The following NOTCH2 variants were observed in gnomAD, a reference collection of about 807,000 sequenced individuals.
NOTCH2 encodes neurogenic locus notch homolog protein 2.
Under a neutral mutation model 235.8 loss-of-function variants are expected in NOTCH2, and 29 were observed. The ratio of observed to expected loss-of-function variants is 0.12; its 90% CI spans 0.09 to 0.17. The LOEUF (loss-of-function observed/expected upper bound fraction) is 0.17, where lower values mean the gene tolerates loss of function less well. Among genes scored for constraint, NOTCH2 ranks in the 10% least tolerant of loss-of-function variants. NOTCH2 has a pLI of 1.00. For synonymous variants in NOTCH2, 1,086 were observed against 1,141.5 expected, an observed-to-expected ratio of 0.95 and a Z score of 0.98; for missense variants, 2,285 against 3,150.2, an observed-to-expected ratio of 0.73 and a Z score of 6.57.
At chr1:120,027,065 C>T (rs369507535) in intron 2 of NOTCH2, among the ~76,000 whole-genome samples, 1,072 of 116,736 alleles carry the variant, frequency 9.2e-3, no homozygotes, top group East Asian at 0.037. Context: ...CATTCTCCTG[C>T]CTCAGCCTCC....
intron 11 of NOTCH2, among the ~76,000 whole-genome samples, 157 bp from the exon 12 acceptor site, chr1:119,959,659 C>A (rs1209080999): frequency 1.3e-5 from 2 of 152,196 alleles, no homozygotes; most frequent in African/African-American, 4.8e-5. Context: ...TCCACAGACT[C>A]GTTCAGGAAG....
chr1:120,011,072 G>A (rs587753436), intron 2 of NOTCH2, among the ~76,000 whole-genome samples: 9 of 152,258 alleles, frequency 5.9e-5, no homozygotes, highest in African/African-American at 1.7e-4. Flanking sequence ...ATGCAAAACC[G>A]TAGAGATAGA....
At chr1:119,957,937 G>A (rs1650772233) in intron 12 of NOTCH2, among the ~76,000 whole-genome samples, 1 of 151,176 alleles carries the variant, frequency 6.6e-6, no homozygotes, top group South Asian at 2.1e-4. Flanking sequence ...TGGGCTCAGG[G>A]GTCAGATTGC....
intron 5 of NOTCH2, among the ~76,000 whole-genome samples, chr1:119,970,664 C>T (rs1651326868): frequency 6.6e-6 from 1 of 152,146 alleles, no homozygotes; most frequent in Admixed American, 6.5e-5. Flanking sequence ...TAACAAAGAA[C>T]AAGATAATGT....
In NOTCH2 at chr1:119,916,038, G is replaced by A. The variant is rs1413967648; in HGVS notation, c.6684C>T (p.His2228=). ...LPSVSQLLSH[H]HIVSPGSGSA... is the part of the protein sequence containing the mutation. ...TGCCACTGCCTGGAGACACAATGTG[G>A]TGGTGGGATAGCAACTGGCTCACTG... is the stretch of plus-strand genomic sequence containing the variant. Residue 2228 remains histidine (H), a synonymous_variant, in exon 34 of 34, where the codon CAC becomes CAT. Transcript: ENST00000256646. 1 of 1,613,730 alleles carries A rather than the reference G, an allele frequency of 6.2e-7. No individual in the cohort carries two copies. Among genetic ancestry groups the A allele is most frequent in the Non-Finnish European group, 8.5e-7 (1 of 1,180,050 alleles).
chr1:120,000,529 T>C (rs192469565), intron 3 of NOTCH2, among the ~76,000 whole-genome samples: 1,461 of 103,148 alleles, frequency 0.014, 38 homozygotes, highest in African/African-American at 0.065. Flanking sequence ...CAATACTCCA[T>C]CTCAAAAAAA....
chr1:119,915,022 T>A lies in NOTCH2; in HGVS notation c.*284A>T. On this transcript the variant is annotated 3_prime_UTR_variant, in exon 34 of 34. Coordinates refer to ENST00000256646, the MANE Select transcript of NOTCH2 (RefSeq NM_024408.4). ...GTCTGGGCTTCAATAAGCATCCATC[T>A]TATTCTCCAAATAGAAGAGAGTAAA... 2.0e-6 allele frequency: 1 copy of A among 493,926 alleles called. No individual in the cohort carries two copies. Among genetic ancestry groups the A allele is most frequent in the Non-Finnish European group, 3.7e-6 (1 of 270,076 alleles). The allele number at this position is 493,926 out of a possible 1,614,324, so 30.6% of individuals were successfully genotyped here. A position where few individuals can be genotyped will look rare whatever the true frequency, so the allele number is the denominator to read the frequency against.
chr1:119,961,127 T>A (rs587653983), intron 11 of NOTCH2, among the ~76,000 whole-genome samples: 1 of 152,284 alleles, frequency 6.6e-6, no homozygotes, highest in African/African-American at 2.4e-5. Flanking sequence ...AGGGCTGACC[T>A]GCACAGTGCC....
rs1179903669 is a variant in NOTCH2 at position 119,922,329 on chromosome 1, C to A, written c.5120G>T (p.Gly1707Val). Reference sequence around the variant, plus strand: ...GAAACCTTCAGGCAGCCAGAGAGAGCCATGCTTACGCTTTCGTTTTGCCAT... The same window carrying A: ...GAAACCTTCAGGCAGCCAGAGAGAGACATGCTTACGCTTTCGTTTTGCCAT... ...VIMAKRKRKH[G>V]SLWLPEGFTL... Residue 1707 changes from glycine to valine, a missense_variant, in exon 28 of 34, where the codon GGC (glycine) becomes GTC (valine). Coordinates refer to ENST00000256646, the MANE Select transcript of NOTCH2 (RefSeq NM_024408.4). 2 of 1,614,002 alleles carry A rather than the reference C, an allele frequency of 1.2e-6. No individual in the cohort carries two copies.
chr1:119,957,556 G>A (rs1650751845), intron 12 of NOTCH2, among the ~76,000 whole-genome samples: 1 of 152,020 alleles, frequency 6.6e-6, no homozygotes, highest in South Asian at 2.1e-4. Context: ...CCACTCATGA[G>A]TATATACCAC....
chr1:119,936,463 G>A (rs1324376638), intron 21 of NOTCH2, among the ~76,000 whole-genome samples: 2 of 152,158 alleles, frequency 1.3e-5, no homozygotes, highest in Admixed American at 6.5e-5. Flanking sequence ...TGCAAAGCAG[G>A]CAAGCTCTAA....
chr1:119,979,650 T>C (rs952887491), intron 5 of NOTCH2, among the ~76,000 whole-genome samples: 3 of 152,204 alleles, frequency 2.0e-5, no homozygotes, highest in Admixed American at 1.3e-4. Flanking sequence ...ATAATTGCAC[T>C]GGTAGTTAAC....
At chr1:120,065,419 G>T (rs1247430562) in intron 1 of NOTCH2, among the ~76,000 whole-genome samples, 2 of 152,122 alleles carry the variant, frequency 1.3e-5, no homozygotes, top group African/African-American at 4.8e-5. Context: ...CCTCATGTAC[G>T]CATTAACAAT....
intron 4 of NOTCH2, chr1:119,994,455 G>C (rs1652350942): frequency 8.0e-6 from 1 of 124,868 alleles, no homozygotes; most frequent in East Asian, 2.1e-4. Context: ...ATCTGGTTTA[G>C]ATTATGGGAC....
At chr1:119,988,688 T>C (rs937955061) in intron 4 of NOTCH2, among the ~76,000 whole-genome samples, 1 of 152,124 alleles carries the variant, frequency 6.6e-6, no homozygotes, top group Non-Finnish European at 1.5e-5. Flanking sequence ...AGACATAGTT[T>C]TAGATTGTTG....
intron 11 of NOTCH2, among the ~76,000 whole-genome samples, chr1:119,960,874 C>T (rs1227980432): frequency 2.0e-5 from 3 of 152,040 alleles, no homozygotes; most frequent in Non-Finnish European, 2.9e-5. Flanking sequence ...CTATGTTGCC[C>T]AGGCTGGTCT....
intron 1 of NOTCH2, among the ~76,000 whole-genome samples, chr1:120,039,278 A>G (rs1654448593): frequency 6.6e-6 from 1 of 152,198 alleles, no homozygotes; most frequent in African/African-American, 2.4e-5. Context: ...GTGAATATGA[A>G]GTGTTATTCC....
Position 120,005,159 on chromosome 1 carries a change from T to C in NOTCH2, c.415+170A>G, listed in dbSNP as rs1415854063. The C allele has an allele frequency of 1.0e-5, 9 of 869,608 alleles. No individual in the cohort carries two copies. In the Admixed American group the frequency reaches 2.0e-4, roughly 19 times the overall value. 53.9% of individuals were successfully genotyped at this position (869,608 alleles called of 1,614,324 possible). A position where few individuals can be genotyped will look rare whatever the true frequency, so the allele number is the denominator to read the frequency against. ...TCTCTTTCTCTGCCCCCTGAAACTC[T>C]TAAAAGGAAGTTAGGGATAGTTGTC... On this transcript the variant is annotated intron_variant, in intron 3 of 33. Coordinates refer to ENST00000256646, the MANE Select transcript of NOTCH2 (RefSeq NM_024408.4).
At chr1:119,999,286 T>C (rs1266829991) in intron 3 of NOTCH2, among the ~76,000 whole-genome samples, 8 of 148,090 alleles carry the variant, frequency 5.4e-5, no homozygotes, top group African/African-American at 7.7e-5. Flanking sequence ...TCTGACCTCA[T>C]AGAAAGGTAA....
Sources: gnomAD v4.1 joint callset for allele counts (sites outside exome capture counted in the v4.1 genomes callset) on GRCh38, gnomAD v4.1.1 for gene constraint, MANE v1.5 for transcripts, NCBI Gene and HGNC (gene_info 2026-07-23, HGNC 2026-07-21) for gene names.